Variants in FDCSP observed in about 807,000 individuals in gnomAD.
FDCSP encodes follicular dendritic cell secreted peptide.
A neutral mutation model predicts 8.9 loss-of-function variants in FDCSP; 8 were observed. The observed-to-expected ratio is 0.90, with a 90% CI of 0.53 to 1.63. The LOEUF (loss-of-function observed/expected upper bound fraction) is 1.63, where lower values mean the gene tolerates loss of function less well. Among genes scored for constraint, FDCSP ranks in the 40% most tolerant of loss-of-function variants. The probability of loss-of-function intolerance (pLI) is 0.00; values close to 1 mark genes in which losing one functional copy is unlikely to be tolerated. For synonymous variants in FDCSP, 34 were observed against 34.5 expected, an observed-to-expected ratio of 0.98 and a Z score of 0.06; for missense variants, 101 against 103.6, an observed-to-expected ratio of 0.98 and a Z score of 0.11.
intron 3 of FDCSP, 51 bp downstream of exon 3, chr4:70,233,077 C>G (rs746531080): frequency 1.4e-6 from 2 of 1,436,378 alleles, no homozygotes; most frequent in South Asian, 2.5e-5. Flanking sequence ...GTGAAATATT[C>G]ATAACTATTG....
At chr4:70,234,875 C>A (rs1444657581) in intron 4 of FDCSP, among the ~76,000 whole-genome samples, 4 of 150,586 alleles carry the variant, frequency 2.7e-5, no homozygotes, top group Admixed American at 6.6e-5. Flanking sequence ...AATTAGAACC[C>A]AGAGGACTGT....
Position 70,233,003 on chromosome 4 carries a change from G to T in FDCSP, c.67G>T (p.Asp23Tyr). 6.3e-7 allele frequency: 1 copy of T among 1,592,640 alleles called. No homozygotes were observed. The highest frequency in any genetic ancestry group is 1.2e-5 in the South Asian group (1 of 86,396). ...ACTATTTGATCTTTAGGTCTCTCAA[G>T]ACCAGGAACGAGAAAAAAGAAGTGT... is the stretch of plus-strand genomic sequence containing the variant. ...AVAVGFPVSQ[D>Y]QEREKRSISD... is the part of the protein sequence containing the mutation. The change falls in exon 3 of 5, where the codon GAC becomes TAC. Residue 23 changes from aspartate (D) to tyrosine (Y), a missense_variant. Coordinates refer to ENST00000317987, the MANE Select transcript of FDCSP (RefSeq NM_152997.4).
chr4:70,233,110 A>G, intron 3 of FDCSP, 84 bp downstream of exon 3: 1 of 1,194,074 alleles, frequency 8.4e-7, no homozygotes, highest in Non-Finnish European at 1.2e-6. Flanking sequence ...ATTTATCTAA[A>G]CCTCCCAAAC....
At chr4:70,230,463 C>T (rs1730060824) in intron 1 of FDCSP, among the ~76,000 whole-genome samples, 1 of 151,586 alleles carries the variant, frequency 6.6e-6, no homozygotes, top group East Asian at 1.9e-4. Flanking sequence ...AATATTGTAA[C>T]TGATACATTT....
intron 2 of FDCSP, among the ~76,000 whole-genome samples, chr4:70,231,495 T>C (rs781471997): frequency 2.1e-4 from 31 of 149,728 alleles, no homozygotes; most frequent in Middle Eastern, 3.4e-3. Flanking sequence ...AAAATATATA[T>C]ATAATGAACC....
intron 3 of FDCSP, 29 bp from the exon 4 acceptor site, chr4:70,233,990 AT>A: frequency 6.4e-7 from 1 of 1,560,468 alleles, no homozygotes; most frequent in Non-Finnish European, 8.6e-7. Flanking sequence ...AAAAAGTGAA[AT>A]AAACCCTTTA....
chr4:70,234,497 C>T (rs960638034), intron 4 of FDCSP, among the ~76,000 whole-genome samples: 1 of 151,560 alleles, frequency 6.6e-6, no homozygotes, highest in Non-Finnish European at 1.5e-5. Context: ...GTATTTGTAA[C>T]TCTTTATACT....
chr4:70,234,870 G>A (rs921346429), intron 4 of FDCSP, among the ~76,000 whole-genome samples: 1 of 150,588 alleles, frequency 6.6e-6, no homozygotes, highest in African/African-American at 2.4e-5. Flanking sequence ...GATTAAATTA[G>A]AACCCAGAGG....
intron 2 of FDCSP, 102 bp downstream of exon 2, chr4:70,231,353 A>T: frequency 1.1e-6 from 1 of 921,106 alleles, no homozygotes; most frequent in East Asian, 2.7e-5. Flanking sequence ...CCAAAAGATT[A>T]TAACAGAGCT....
intron 1 of FDCSP, among the ~76,000 whole-genome samples, chr4:70,226,671 G>T (rs1046430294): frequency 6.6e-6 from 1 of 151,824 alleles, no homozygotes; most frequent in Non-Finnish European, 1.5e-5. Flanking sequence ...TAATATAAAA[G>T]TCATTTGTCT....
chr4:70,231,207 C>A lies in FDCSP; in HGVS notation c.13C>A (p.Leu5Ile). 2 of 1,598,452 alleles carry A rather than the reference C, an allele frequency of 1.3e-6. No homozygotes were observed. Among genetic ancestry groups the A allele is most frequent in the South Asian group, 1.1e-5 (1 of 88,830 alleles). MKKV[L>I]LLITAILAVA... ...CTCCATTTTGCAGATGAAGAAAGTT[C>A]TCCTCCTGATCACAGCCATCTTGGC... Residue 5 changes from leucine (L) to isoleucine (I), a missense_variant, in exon 2 of 5, where the codon CTC becomes ATC. Transcript: ENST00000317987.
chr4:70,231,090 G>T, intron 1 of FDCSP, 105 bp from the exon 2 acceptor site: 1 of 825,930 alleles, frequency 1.2e-6, no homozygotes, highest in Non-Finnish European at 1.9e-6. Context: ...CAAATAATTC[G>T]TACTTTAACT....
intron 3 of FDCSP, 88 bp downstream of exon 3, chr4:70,233,114 C>T: frequency 2.6e-6 from 3 of 1,174,620 alleles, no homozygotes; most frequent in Non-Finnish European, 3.6e-6. Flanking sequence ...ATCTAAACCT[C>T]CCAAACTGTG....
At chr4:70,231,563 T>A (rs1246258238) in intron 2 of FDCSP, among the ~76,000 whole-genome samples, 1 of 151,728 alleles carries the variant, frequency 6.6e-6, no homozygotes, top group East Asian at 1.9e-4. Flanking sequence ...TGTGTTCATG[T>A]GTTTGAGATG....
intron 3 of FDCSP, 125 bp downstream of exon 3, chr4:70,233,151 T>C: frequency 1.3e-6 from 1 of 768,086 alleles, no homozygotes; most frequent in Non-Finnish European, 2.1e-6. Flanking sequence ...GCTTTTGGTA[T>C]TAGCACTCAA....
At position 70,234,283 on chromosome 4, in the gene FDCSP, A is replaced by G. The variant is rs573755764; in HGVS notation, c.*28+68A>G. 107 of 1,325,170 alleles carry G rather than the reference A, an allele frequency of 8.1e-5. 1 individual carries two copies. The South Asian group carries it at 1.6e-3, about 20-fold the overall frequency. The allele number at this position is 1,325,170 out of a possible 1,614,324, so 82.1% of individuals were successfully genotyped here. A position where few individuals can be genotyped will look rare whatever the true frequency, so the allele number is the denominator to read the frequency against. On this transcript the variant is annotated intron_variant, in intron 4 of 4. Coordinates refer to ENST00000317987, the MANE Select transcript of FDCSP (RefSeq NM_152997.4). ...AGATTGGAATCCATAATTTCAAGGAAAAAAAAATGTTAACTATGTCCCTAG... is the reference window on the plus strand; with the variant it reads ...AGATTGGAATCCATAATTTCAAGGAGAAAAAAATGTTAACTATGTCCCTAG...
Position 70,229,639 on chromosome 4 carries a change from T to A in FDCSP, c.1-1556T>A, listed in dbSNP as rs190068696. ...CTGGCCCAGATTTAATATTATCATG[T>A]CTCAGGAAATAGAAAAGCCTGAGGA... is the stretch of plus-strand genomic sequence containing the variant. On this transcript the variant is annotated intron_variant, in intron 1 of 4. Transcript: ENST00000317987. Among the ~76,000 whole-genome samples, 1,183 of 151,738 alleles carry A rather than the reference T, an allele frequency of 7.8e-3. 6 individuals are homozygous for A. The highest frequency in any genetic ancestry group is 0.014 in the Admixed American group (210 of 15,168).
intron 1 of FDCSP, among the ~76,000 whole-genome samples, chr4:70,229,051 A>G (rs1212025354): frequency 6.6e-6 from 1 of 151,930 alleles, no homozygotes; most frequent in Middle Eastern, 3.4e-3. Flanking sequence ...TTTAGCTATG[A>G]AAGTTCTAGA....
intron 1 of FDCSP, among the ~76,000 whole-genome samples, chr4:70,230,505 C>T (rs1455717209): frequency 6.6e-6 from 1 of 151,638 alleles, no homozygotes; most frequent in East Asian, 1.9e-4. Flanking sequence ...AAGGAATCTA[C>T]AGTGAAAATT....
Sources: allele counts gnomAD v4.1 joint callset (sites outside exome capture counted in the v4.1 genomes callset), GRCh38; gene constraint gnomAD v4.1.1; transcripts MANE v1.5; gene names NCBI Gene and HGNC (gene_info 2026-07-23, HGNC 2026-07-21).